INPP5A: variants seen among roughly 807,000 people sequenced by gnomAD.
INPP5A encodes inositol polyphosphate-5-phosphatase A, also known as 43 kDa inositol polyphosphate 5-phophatase.
Under a neutral mutation model 65.2 loss-of-function variants are expected in INPP5A, and 14 were observed. The ratio of observed to expected loss-of-function variants is 0.21; its 90% CI spans 0.14 to 0.34. The LOEUF (loss-of-function observed/expected upper bound fraction) is 0.34, where lower values mean the gene tolerates loss of function less well. INPP5A is among the 10% of genes least tolerant of loss of function. The pLI is 1.00. For synonymous variants in INPP5A, 207 were observed against 208.3 expected (o/e 0.99, Z 0.05); for missense variants, 431 against 545.6 (o/e 0.79, Z 2.09).
intron 1 of INPP5A, among the ~76,000 whole-genome samples, chr10:132,577,524 C>A (rs1457378263): frequency 2.0e-5 from 3 of 152,218 alleles, no homozygotes; most frequent in Non-Finnish European, 4.4e-5. Context: ...TGAGGCCCAT[C>A]TTTTGGTGGC....
At chr10:132,726,243 C>T (rs1345485985) in intron 8 of INPP5A, among the ~76,000 whole-genome samples, 1 of 152,350 alleles carries the variant, frequency 6.6e-6, no homozygotes, top group East Asian at 1.9e-4. Context: ...CACTTTGAAA[C>T]GTCCGAGTGG....
At chr10:132,610,271 C>A (rs1180707806) in intron 2 of INPP5A, among the ~76,000 whole-genome samples, 1 of 152,200 alleles carries the variant, frequency 6.6e-6, no homozygotes. Context: ...TCCCCACGCT[C>A]CAGCCCCTGG....
In INPP5A at chr10:132,651,417, C is replaced by T. The variant is rs113984068; in HGVS notation, c.306+912C>T. ...CTGGGGAGGCCCTGGGTCCCCCGGC[C>T]TGGGTCCATCTCCCCCGTCTCTGGG... On this transcript the variant is annotated intron_variant, in intron 4 of 15. Coordinates refer to ENST00000368594, the MANE Select transcript of INPP5A (RefSeq NM_005539.5). This position sits in a 1 kb window ranked among gnomAD's most constrained non-coding sequence, Gnocchi z 5.0. Among the ~76,000 whole-genome samples, 1 of 140,710 alleles carries T rather than the reference C, an allele frequency of 7.1e-6. No individual in the cohort carries two copies. Among genetic ancestry groups the T allele is most frequent in the Non-Finnish European group, 1.6e-5 (1 of 64,042 alleles). The allele number at this position is 140,710 out of a possible 152,430, so 92.3% of individuals were successfully genotyped here.
At chr10:132,779,453 G>T (rs1404901083) in intron 13 of INPP5A, among the ~76,000 whole-genome samples, 1 of 152,254 alleles carries the variant, frequency 6.6e-6, no homozygotes, top group Non-Finnish European at 1.5e-5. Context: ...GCGCCCAAGG[G>T]CAGAAGGCTG....
rs189363385 is a variant in INPP5A, at chr10:132,567,912, G to A, written c.75+29741G>A. 1.2e-4 allele frequency among the ~76,000 whole-genome samples: 19 copies of A among 152,200 alleles called. No homozygotes were observed. In the East Asian group the frequency reaches 3.7e-3, roughly 29 times the overall value. ...AAATTAAAAAAAAATATTGGCTGAG[G>A]CCGGGCGCGGTGGCTCACGCCTGTA... On this transcript the variant is annotated intron_variant, in intron 1 of 15. Transcript: ENST00000368594.
chr10:132,578,449 G>C (rs923308090), intron 1 of INPP5A, among the ~76,000 whole-genome samples: 1 of 126,728 alleles, frequency 7.9e-6, no homozygotes, highest in African/African-American at 2.8e-5. Flanking sequence ...AGGTGAAGGT[G>C]AGCAAGACCT....
intron 2 of INPP5A, among the ~76,000 whole-genome samples, chr10:132,621,687 G>A (rs936723905): frequency 9.2e-5 from 14 of 152,080 alleles, no homozygotes; most frequent in African/African-American, 3.4e-4. Context: ...TCAGTCATGC[G>A]TTTGTCCCAG....
At chr10:132,574,010 A>T (rs2071385179) in intron 1 of INPP5A, among the ~76,000 whole-genome samples, 1 of 96,240 alleles carries the variant, frequency 1.0e-5, no homozygotes, top group Non-Finnish European at 2.0e-5. Context: ...GGTTTTGTTG[A>T]GATGTTGGGG....
rs12253990 is a variant in INPP5A, at chr10:132,697,675, G to A, written c.371-141G>A. 2.1e-5 allele frequency: 13 copies of A among 629,822 alleles called. No individual in the cohort carries two copies. The highest frequency in any genetic ancestry group is 5.6e-5 in the East Asian group (2 of 35,924). The allele number at this position is 629,822 out of a possible 1,614,324, so 39.0% of individuals were successfully genotyped here. A position where few individuals can be genotyped will look rare whatever the true frequency, so the allele number is the denominator to read the frequency against. ...GCCCGCTGGGGGTCTGTTCTGGGTC[G>A]GACCCCTCATCAGGGCCTCCTCTCG... is the stretch of plus-strand genomic sequence containing the variant. On this transcript the variant is annotated intron_variant, in intron 5 of 15. Coordinates refer to ENST00000368594, the MANE Select transcript of INPP5A (RefSeq NM_005539.5). The surrounding 1 kb of genome is among the most constrained non-coding windows in gnomAD (Gnocchi z 5.6).
intron 2 of INPP5A, among the ~76,000 whole-genome samples, chr10:132,635,172 T>A (rs1371910965): frequency 1.3e-5 from 2 of 152,172 alleles, no homozygotes; most frequent in Admixed American, 6.5e-5. Context: ...TAGCCACATT[T>A]GACTTGTGAC....
chr10:132,714,251 C>T (rs1345994224), intron 8 of INPP5A, among the ~76,000 whole-genome samples: 2 of 152,190 alleles, frequency 1.3e-5, no homozygotes. Context: ...GCGCGCTCAG[C>T]CAGCCGCAGA....
At chr10:132,756,371 CGTG>C (rs917332158) in intron 11 of INPP5A, among the ~76,000 whole-genome samples, 3 of 151,616 alleles carry the variant, frequency 2.0e-5, no homozygotes, top group South Asian at 2.1e-4. Context: ...CGTGTGCACT[CGTG>C]TGTGTGTATG....
In INPP5A at chr10:132,546,545, C is replaced by G. The variant is rs1387213978; in HGVS notation, c.75+8374C>G. Among the ~76,000 whole-genome samples, 3 of 152,104 alleles carry G rather than the reference C, an allele frequency of 2.0e-5. No individual in the cohort carries two copies. Among genetic ancestry groups the G allele is most frequent in the Non-Finnish European group, 4.4e-5 (3 of 68,006 alleles). On this transcript the variant is annotated intron_variant, in intron 1 of 15. Coordinates refer to ENST00000368594, the MANE Select transcript of INPP5A (RefSeq NM_005539.5). This position sits in a 1 kb window ranked among gnomAD's most constrained non-coding sequence, Gnocchi z 5.7. The stretch of plus-strand genomic sequence containing the variant: ...TGCTGTGTCGGGGGGCCGTGCTCCC[C>G]CTTCTCTCTTGGAAGGTGTAAGGGC...
chr10:132,626,336 C>T (rs772821662), intron 2 of INPP5A, among the ~76,000 whole-genome samples: 3 of 152,216 alleles, frequency 2.0e-5, no homozygotes, highest in Non-Finnish European at 4.4e-5. Context: ...GGACACACGC[C>T]TTCATTCTGC....
intron 2 of INPP5A, among the ~76,000 whole-genome samples, chr10:132,613,910 A>G (rs1476905244): frequency 6.6e-6 from 1 of 152,196 alleles, no homozygotes; most frequent in Non-Finnish European, 1.5e-5. Flanking sequence ...TCCATTATAC[A>G]ATTATTTTTC....
intron 11 of INPP5A, among the ~76,000 whole-genome samples, chr10:132,764,348 C>T (rs535342374): frequency 4.6e-5 from 7 of 151,754 alleles, no homozygotes; most frequent in East Asian, 3.9e-4. Flanking sequence ...GCATGGTGAC[C>T]GCACAGGAAC....
intron 11 of INPP5A, among the ~76,000 whole-genome samples, chr10:132,754,899 G>A (rs888315026): frequency 3.3e-5 from 5 of 152,214 alleles, no homozygotes; most frequent in African/African-American, 1.2e-4. Flanking sequence ...GCAGGCATAT[G>A]CATGTGAGCC....
At chr10:132,661,468 A>G (rs974954170) in intron 4 of INPP5A, among the ~76,000 whole-genome samples, 1 of 152,234 alleles carries the variant, frequency 6.6e-6, no homozygotes, top group African/African-American at 2.4e-5. Context: ...TTAGGAATAA[A>G]TTAGGTCAAG....
chr10:132,738,276 A>T (rs1846212444), intron 9 of INPP5A, among the ~76,000 whole-genome samples: 1 of 152,218 alleles, frequency 6.6e-6, no homozygotes, highest in African/African-American at 2.4e-5. Flanking sequence ...GACCCCGGAC[A>T]CTGTGTAGCC....
Sources: gnomAD v4.1 joint callset for allele counts (sites outside exome capture counted in the v4.1 genomes callset) on GRCh38, gnomAD v4.1.1 for gene constraint, Gnocchi (gnomAD v3.1) non-coding constraint, MANE v1.5 for transcripts, NCBI Gene and HGNC (gene_info 2026-07-23, HGNC 2026-07-21) for gene names.